Variants in LINGO2 observed in about 807,000 individuals in gnomAD.
LINGO2 encodes leucine-rich repeat and immunoglobulin-like domain-containing nogo receptor-interacting protein 2.
Under a neutral mutation model 30.6 loss-of-function variants are expected in LINGO2, and 14 were observed. That is an observed-to-expected ratio of 0.46 (90% CI 0.30 to 0.72). The LOEUF is 0.72. LINGO2 is among the 30% of genes least tolerant of loss of function. The probability of loss-of-function intolerance (pLI) is 0.07; values close to 1 mark genes in which losing one functional copy is unlikely to be tolerated. For synonymous variants in LINGO2, 317 were observed against 288.5 expected (o/e 1.10, Z -1.00); for missense variants, 729 against 751.7 (o/e 0.97, Z 0.35).
rs180800032 is a variant in LINGO2, at chr9:28,653,620, T to C, written c.-365+16580A>G. Among the ~76,000 whole-genome samples, 107 of 152,238 alleles carry C rather than the reference T, an allele frequency of 7.0e-4. 1 individual carries two copies. In the South Asian group the frequency reaches 0.013, roughly 19 times the overall value. On this transcript the variant is annotated intron_variant, in intron 1 of 5. Transcript: ENST00000379992. Reference sequence around the variant, plus strand: ...ATGGCTTTATTGTTAGAAAGAAATGTGATAATGAGAAGAATTGATGCAAGG... The same window carrying C: ...ATGGCTTTATTGTTAGAAAGAAATGCGATAATGAGAAGAATTGATGCAAGG...
At chr9:29,162,808 G>GA in the LINGO2 span, among the ~76,000 whole-genome samples, 104 of 152,054 alleles carry the variant, frequency 6.8e-4, no homozygotes, top group African/African-American at 2.3e-3. Context: ...TGCAGCTGGA[G>GA]AAAAAAATAC....
intron 4 of LINGO2, among the ~76,000 whole-genome samples, chr9:28,258,333 G>C (rs1475830741): frequency 2.0e-5 from 3 of 151,806 alleles, no homozygotes; most frequent in Non-Finnish European, 4.4e-5. Flanking sequence ...CTACCCCTAT[G>C]ACCCTTCTCT....
At chr9:28,952,444 T>C in the LINGO2 span, among the ~76,000 whole-genome samples, 1 of 152,180 alleles carries the variant, frequency 6.6e-6, no homozygotes. Flanking sequence ...CATACTCTCT[T>C]TGCAATGAAA....
intron 4 of LINGO2, among the ~76,000 whole-genome samples, chr9:28,035,914 A>G (rs936671815): frequency 4.0e-5 from 6 of 149,430 alleles, no homozygotes; most frequent in African/African-American, 1.5e-4. Flanking sequence ...ACACACACAC[A>G]CATGCGCTAA....
At chr9:28,204,065 G>C (rs10757716) in intron 4 of LINGO2, among the ~76,000 whole-genome samples, 48,432 of 152,076 alleles carry the variant, frequency 0.32, 9,073 homozygotes, top group East Asian at 0.44. Context: ...CAAAGGGCTA[G>C]TGTTGCATGG....
intron 5 of LINGO2, among the ~76,000 whole-genome samples, chr9:27,994,503 A>C (rs1054958074): frequency 2.0e-5 from 3 of 152,116 alleles, no homozygotes; most frequent in African/African-American, 7.2e-5. Context: ...CCCACGCCCC[A>C]GGGACCACTG....
chr9:28,216,673 T>C (rs1187979981), intron 4 of LINGO2, among the ~76,000 whole-genome samples: 2 of 151,906 alleles, frequency 1.3e-5, no homozygotes, highest in African/African-American at 4.8e-5. Flanking sequence ...TGGAATACAG[T>C]ACATTATCTA....
the LINGO2 span, among the ~76,000 whole-genome samples, chr9:28,784,527 G>A: frequency 6.6e-6 from 1 of 152,090 alleles, no homozygotes; most frequent in Non-Finnish European, 1.5e-5. Flanking sequence ...GTAGAGATGA[G>A]TAAAATAGAT....
At chr9:28,631,402 C>G (rs1442930777) in intron 1 of LINGO2, among the ~76,000 whole-genome samples, 1 of 144,936 alleles carries the variant, frequency 6.9e-6, no homozygotes, top group Admixed American at 7.3e-5. Context: ...AGTCTTTAAT[C>G]TGTCTTGAAT....
the LINGO2 span, among the ~76,000 whole-genome samples, chr9:28,979,595 A>T: frequency 3.3e-5 from 5 of 152,094 alleles, no homozygotes; most frequent in African/African-American, 1.2e-4. Context: ...ATTTCAATAG[A>T]TTTGTATGCT....
the LINGO2 span, among the ~76,000 whole-genome samples, chr9:29,071,083 A>G: frequency 6.6e-6 from 1 of 150,712 alleles, no homozygotes; most frequent in African/African-American, 2.4e-5. Flanking sequence ...CTAAATATAT[A>G]ATTGTATATA....
chr9:28,321,048 A>G (rs1825022706), intron 3 of LINGO2, among the ~76,000 whole-genome samples: 1 of 143,404 alleles, frequency 7.0e-6, no homozygotes, highest in African/African-American at 2.5e-5. Flanking sequence ...AGTTACTTTA[A>G]TTTTTGTTAA....
Position 28,660,545 on chromosome 9 carries a change from T to C in LINGO2, c.-365+9655A>G, listed in dbSNP as rs1828546139. 2.6e-5 allele frequency among the ~76,000 whole-genome samples: 4 copies of C among 151,948 alleles called. No homozygotes were observed. The South Asian group carries it at 8.3e-4, about 32-fold the overall frequency. On this transcript the variant is annotated intron_variant, in intron 1 of 5. Transcript: ENST00000379992. ...TAATTTATATATCTCACAGTAAACA[T>C]ATACTGGTAAAAATGTAGCCTAAAA...
chr9:29,186,184 C>G, the LINGO2 span, among the ~76,000 whole-genome samples: 1 of 152,114 alleles, frequency 6.6e-6, no homozygotes, highest in African/African-American at 2.4e-5. Context: ...TATTCTCAAA[C>G]TGTAGATAAC....
intron 2 of LINGO2, among the ~76,000 whole-genome samples, chr9:28,466,118 A>T (rs1346514002): frequency 6.6e-6 from 1 of 151,796 alleles, no homozygotes; most frequent in Non-Finnish European, 1.5e-5. Flanking sequence ...CTAGGTAGAT[A>T]CTCCCCCAAA....
chr9:28,101,932 T>C (rs895953157), intron 4 of LINGO2, among the ~76,000 whole-genome samples: 6 of 152,032 alleles, frequency 3.9e-5, no homozygotes, highest in African/African-American at 1.2e-4. Context: ...CATTTAGGAG[T>C]CACGCACCAG....
At chr9:28,063,421 A>T (rs1161916642) in intron 4 of LINGO2, among the ~76,000 whole-genome samples, 1 of 121,640 alleles carries the variant, frequency 8.2e-6, no homozygotes, top group Non-Finnish European at 1.7e-5. Flanking sequence ...AAGTAGGTCA[A>T]TATTATTATC....
chr9:28,606,689 C>T (rs575265179), intron 1 of LINGO2, among the ~76,000 whole-genome samples: 33 of 151,838 alleles, frequency 2.2e-4, no homozygotes, highest in Non-Finnish European at 3.7e-4. Context: ...GAAAGGATAC[C>T]AAAACATTTA....
At chr9:28,785,688 A>ACG in the LINGO2 span, among the ~76,000 whole-genome samples, 1 of 36,018 alleles carries the variant, frequency 2.8e-5, no homozygotes, top group Non-Finnish European at 8.2e-5. Flanking sequence ...ACACACACGC[A>ACG]CACACACACA....
Sources: gnomAD v4.1 joint callset for allele counts (sites outside exome capture counted in the v4.1 genomes callset) on GRCh38, gnomAD v4.1.1 for gene constraint, MANE v1.5 for transcripts, NCBI Gene and HGNC (gene_info 2026-07-23, HGNC 2026-07-21) for gene names.